The following AGPAT4 variants were observed in gnomAD, a reference collection of about 807,000 sequenced individuals.
AGPAT4 encodes 1-acyl-sn-glycerol-3-phosphate acyltransferase delta.
In AGPAT4, 15 loss-of-function variants were observed where a neutral mutation model predicts 48.0. The observed-to-expected ratio is 0.31, with a 90% CI of 0.21 to 0.48. The LOEUF (loss-of-function observed/expected upper bound fraction) is 0.48, where lower values mean the gene tolerates loss of function less well. AGPAT4 is among the 20% of genes least tolerant of loss of function. AGPAT4 has a pLI of 0.99. For synonymous variants in AGPAT4, 178 were observed against 198.7 expected (o/e 0.90, Z 0.88); for missense variants, 314 against 482.5 (o/e 0.65, Z 3.27).
Position 161,146,677 on chromosome 6 carries a change from G to T in AGPAT4, c.768-78C>A. 2 of 1,397,132 alleles carry T rather than the reference G, an allele frequency of 1.4e-6. No homozygotes were observed. The highest frequency in any genetic ancestry group is 1.0e-6 in the Non-Finnish European group (1 of 992,400). 86.5% of individuals were successfully genotyped at this position (1,397,132 alleles called of 1,614,324 possible). ...TACAGTTTCCAGTAACGGTGCTGCC[G>T]TTTTTTGTTTTTATCTGGGTCACCT... is the stretch of plus-strand genomic sequence containing the variant. On this transcript the variant is annotated intron_variant, in intron 6 of 8. Coordinates refer to ENST00000320285, the MANE Select transcript of AGPAT4 (RefSeq NM_020133.3). This position sits in a 1 kb window ranked among gnomAD's most constrained non-coding sequence, Gnocchi z 7.1.
intron 1 of AGPAT4, among the ~76,000 whole-genome samples, chr6:161,237,019 C>T (rs774111787): frequency 2.0e-5 from 3 of 152,154 alleles, no homozygotes; most frequent in Non-Finnish European, 4.4e-5. Flanking sequence ...AACACAAAGA[C>T]ATTTTTAAAT....
chr6:161,265,577 A>G (rs1328964231), intron 1 of AGPAT4, among the ~76,000 whole-genome samples: 1 of 152,228 alleles, frequency 6.6e-6, no homozygotes, highest in Non-Finnish European at 1.5e-5. Context: ...AGGTCAAGGA[A>G]ACAGTAATGA....
Position 161,244,163 on chromosome 6 carries a change from C to T in AGPAT4, c.-89-11861G>A, listed in dbSNP as rs1157679699. Among the ~76,000 whole-genome samples, 1 of 152,206 alleles carries T rather than the reference C, an allele frequency of 6.6e-6. No homozygotes were observed. Among genetic ancestry groups the T allele is most frequent in the Non-Finnish European group, 1.5e-5 (1 of 68,046 alleles). On this transcript the variant is annotated intron_variant, in intron 1 of 8. Transcript: ENST00000320285. This position sits in a 1 kb window ranked among gnomAD's most constrained non-coding sequence, Gnocchi z 4.7. ...GTACCTGTGTTTTCCTGATCTCAAACAGACATACAGCGAGGAGCTGACGAC... is the reference window on the plus strand; with the variant it reads ...GTACCTGTGTTTTCCTGATCTCAAATAGACATACAGCGAGGAGCTGACGAC...
rs1379540063 is a variant in AGPAT4, at chr6:161,236,885, G to C, written c.-89-4583C>G. Among the ~76,000 whole-genome samples the C allele has an allele frequency of 2.0e-5, 3 of 152,202 alleles. No individual in the cohort carries two copies. Reference sequence around the variant, plus strand: ...CCACTGCACTCCAGCCTGGGCGACAGAGTGAGACTCCATCTCAAACAAAAT... The same window carrying C: ...CCACTGCACTCCAGCCTGGGCGACACAGTGAGACTCCATCTCAAACAAAAT... On this transcript the variant is annotated intron_variant, in intron 1 of 8. Coordinates refer to ENST00000320285, the MANE Select transcript of AGPAT4 (RefSeq NM_020133.3). This position sits in a 1 kb window ranked among gnomAD's most constrained non-coding sequence, Gnocchi z 5.0.
rs981120442 is a variant in AGPAT4 at position 161,180,788 on chromosome 6, C to T, written c.179-14371G>A. On this transcript the variant is annotated intron_variant, in intron 2 of 8. Coordinates refer to ENST00000320285, the MANE Select transcript of AGPAT4 (RefSeq NM_020133.3). The surrounding 1 kb of genome is among the most constrained non-coding windows in gnomAD (Gnocchi z 6.4). ...AGACAGGACGGTGCCTTCACACTCA[C>T]AACACCCTCACCTGGAGGTCAGTCG... Among the ~76,000 whole-genome samples, 2 of 152,150 alleles carry T rather than the reference C, an allele frequency of 1.3e-5. No individual in the cohort carries two copies. The highest frequency in any genetic ancestry group is 1.3e-4 in the Admixed American group (2 of 15,282).
At chr6:161,181,503 C>CGGGGGG (rs776492737) in intron 2 of AGPAT4, among the ~76,000 whole-genome samples, 42 of 125,954 alleles carry the variant, frequency 3.3e-4, no homozygotes, top group Non-Finnish European at 3.0e-4. Context: ...GTGGGGGTAG[C>CGGGGGG]AGGGGGCGGG....
Position 161,142,276 on chromosome 6 carries a change from C to T in AGPAT4, c.844-2656G>A, listed in dbSNP as rs1203835028. 6.6e-6 allele frequency among the ~76,000 whole-genome samples: 1 copy of T among 152,220 alleles called. No individual in the cohort carries two copies. The highest frequency in any genetic ancestry group is 2.1e-4 in the South Asian group (1 of 4,832). On this transcript the variant is annotated intron_variant, in intron 7 of 8. Transcript: ENST00000320285. This position sits in a 1 kb window ranked among gnomAD's most constrained non-coding sequence, Gnocchi z 6.4. ...CTGACTATCGGGGAGAGAACAGCAC[C>T]GCCAGCTCTGGCCAGACTCCAGGCT...
In AGPAT4 at chr6:161,149,027, G is replaced by A; in HGVS notation, c.767+160C>T. On this transcript the variant is annotated intron_variant, in intron 6 of 8. Coordinates refer to ENST00000320285, the MANE Select transcript of AGPAT4 (RefSeq NM_020133.3). The surrounding 1 kb of genome is among the most constrained non-coding windows in gnomAD (Gnocchi z 6.5). ...GCTGGGACGGAAGGAGACTTCAGCAGATCATTCCAATAGTAGGATGTGTCA... is the reference window on the plus strand; with the variant it reads ...GCTGGGACGGAAGGAGACTTCAGCAAATCATTCCAATAGTAGGATGTGTCA... 2 of 602,624 alleles carry A rather than the reference G, an allele frequency of 3.3e-6. No homozygotes were observed. Among genetic ancestry groups the A allele is most frequent in the Non-Finnish European group, 4.2e-6 (2 of 480,632 alleles). The allele number at this position is 602,624 out of a possible 1,614,324, so 37.3% of individuals were successfully genotyped here.
In AGPAT4 at chr6:161,243,127, G is replaced by A. The variant is rs762487317; in HGVS notation, c.-89-10825C>T. ...TTCAAACATGGAAAGAAGGCAGAATGCATGTTGAAATTGTCGATTTCATCA... is the reference window on the plus strand; with the variant it reads ...TTCAAACATGGAAAGAAGGCAGAATACATGTTGAAATTGTCGATTTCATCA... On this transcript the variant is annotated intron_variant, in intron 1 of 8. Transcript: ENST00000320285. The surrounding 1 kb of genome is among the most constrained non-coding windows in gnomAD (Gnocchi z 4.8). Among the ~76,000 whole-genome samples the A allele has an allele frequency of 6.6e-5, 10 of 152,086 alleles. No homozygotes were observed. Among genetic ancestry groups the A allele is most frequent in the Non-Finnish European group, 1.3e-4 (9 of 68,022 alleles).
Position 161,137,073 on chromosome 6 carries a change from C to T in AGPAT4, c.1043-439G>A, listed in dbSNP as rs765708981. ...GAGCTCGAGTATCGAGTGCCCAACACGTTTCAGCACTGCTTTTGGTGCAAG... is the reference window on the plus strand; with the variant it reads ...GAGCTCGAGTATCGAGTGCCCAACATGTTTCAGCACTGCTTTTGGTGCAAG... On this transcript the variant is annotated intron_variant, in intron 8 of 8. Coordinates refer to ENST00000320285, the MANE Select transcript of AGPAT4 (RefSeq NM_020133.3). This position sits in a 1 kb window ranked among gnomAD's most constrained non-coding sequence, Gnocchi z 6.1. 1.6e-4 allele frequency among the ~76,000 whole-genome samples: 25 copies of T among 152,232 alleles called. No individual in the cohort carries two copies. The highest frequency in any genetic ancestry group is 2.6e-4 in the Non-Finnish European group (18 of 68,036).
intron 1 of AGPAT4, among the ~76,000 whole-genome samples, chr6:161,237,782 C>G (rs1438677720): frequency 6.6e-6 from 1 of 152,044 alleles, no homozygotes. Context: ...GAAATCCACC[C>G]CATTCTGAGC....
intron 2 of AGPAT4, among the ~76,000 whole-genome samples, chr6:161,181,512 G>GA (rs1268138449): frequency 7.9e-6 from 1 of 126,062 alleles, no homozygotes; most frequent in African/African-American, 2.6e-5. Flanking sequence ...GCAGGGGGCG[G>GA]GGGGCGCTTC....
chr6:161,187,221 C>T (rs1312305861), intron 2 of AGPAT4, among the ~76,000 whole-genome samples: 4 of 152,218 alleles, frequency 2.6e-5, no homozygotes, highest in Admixed American at 2.6e-4. Context: ...TCTTGCTCCG[C>T]CTTCCATACT....
At position 161,147,997 on chromosome 6, in the gene AGPAT4, A is replaced by G. The variant is rs1456478783; in HGVS notation, c.767+1190T>C. Among the ~76,000 whole-genome samples, 1 of 152,176 alleles carries G rather than the reference A, an allele frequency of 6.6e-6. No homozygotes were observed. The highest frequency in any genetic ancestry group is 2.4e-5 in the African/African-American group (1 of 41,436). On this transcript the variant is annotated intron_variant, in intron 6 of 8. Transcript: ENST00000320285. The surrounding 1 kb of genome is among the most constrained non-coding windows in gnomAD (Gnocchi z 4.8). ...TTCGGTGAGTGAACGTGCCAGTACCATTTTTGGGCTGATTGTCACACATGC... is the reference window on the plus strand; with the variant it reads ...TTCGGTGAGTGAACGTGCCAGTACCGTTTTTGGGCTGATTGTCACACATGC...
intron 2 of AGPAT4, among the ~76,000 whole-genome samples, chr6:161,181,718 G>T (rs1431270651): frequency 6.6e-6 from 1 of 152,146 alleles, no homozygotes; most frequent in East Asian, 1.9e-4. Flanking sequence ...AGCTGTGCCT[G>T]CCCCATCCCA....
intron 2 of AGPAT4, among the ~76,000 whole-genome samples, chr6:161,168,660 C>T (rs887081384): frequency 1.3e-5 from 2 of 152,168 alleles, no homozygotes; most frequent in Non-Finnish European, 2.9e-5. Context: ...AAGCACTCTG[C>T]GAGATACAGG....
chr6:161,203,568 T>G (rs947428913), intron 2 of AGPAT4, among the ~76,000 whole-genome samples: 7 of 152,030 alleles, frequency 4.6e-5, no homozygotes, highest in Admixed American at 3.9e-4. Context: ...TTTGTATTTT[T>G]GTATTTTTAG....
intron 2 of AGPAT4, among the ~76,000 whole-genome samples, chr6:161,210,789 T>C (rs1352387591): frequency 6.6e-6 from 1 of 152,232 alleles, no homozygotes; most frequent in Non-Finnish European, 1.5e-5. Flanking sequence ...GCATAGGGGT[T>C]ACAAAACTAT....
chr6:161,138,581 G>T lies in AGPAT4; in HGVS notation c.1042+841C>A, dbSNP rs372599077. Reference sequence around the variant, plus strand: ...TCCTGACACACTTTCCATTTTCTGCGCTTGTCTATTGCTTGGGCCTTTTAT... The same window carrying T: ...TCCTGACACACTTTCCATTTTCTGCTCTTGTCTATTGCTTGGGCCTTTTAT... On this transcript the variant is annotated intron_variant, in intron 8 of 8. Transcript: ENST00000320285. This position sits in a 1 kb window ranked among gnomAD's most constrained non-coding sequence, Gnocchi z 4.8. 6.6e-6 allele frequency among the ~76,000 whole-genome samples: 1 copy of T among 152,124 alleles called. No homozygotes were observed. The highest frequency in any genetic ancestry group is 1.5e-5 in the Non-Finnish European group (1 of 68,024).
Sources: allele counts gnomAD v4.1 joint callset (sites outside exome capture counted in the v4.1 genomes callset), GRCh38; gene constraint gnomAD v4.1.1; non-coding constraint Gnocchi (gnomAD v3.1); transcripts MANE v1.5; gene names NCBI Gene and HGNC (gene_info 2026-07-23, HGNC 2026-07-21).